Variants in DEPDC5 observed in about 807,000 individuals in gnomAD.
The protein encoded by DEPDC5 is DEP domain containing 5, GATOR1 subcomplex subunit.
Under a neutral mutation model 217.3 loss-of-function variants are expected in DEPDC5, and 73 were observed. That is an observed-to-expected ratio of 0.34 (90% CI 0.28 to 0.41). DEPDC5 has a LOEUF of 0.41. DEPDC5 is among the 10% of genes least tolerant of loss of function. DEPDC5 has a pLI of 1.00. For missense variants in DEPDC5, 1,675 were observed against 2,070.1 expected, an observed-to-expected ratio of 0.81 and a Z score of 3.70; for synonymous variants, 733 against 756.7, an observed-to-expected ratio of 0.97 and a Z score of 0.51.
chr22:31,788,552 A>G (rs1422359402), intron 10 of DEPDC5, among the ~76,000 whole-genome samples: 2 of 150,962 alleles, frequency 1.3e-5, no homozygotes, highest in Non-Finnish European at 3.0e-5. Context: ...TGCTGAGATT[A>G]CAGACGTGAG....
intron 27 of DEPDC5, among the ~76,000 whole-genome samples, chr22:31,839,149 C>T (rs927110699): frequency 2.0e-5 from 3 of 152,190 alleles, no homozygotes; most frequent in South Asian, 2.1e-4. Flanking sequence ...GAGCTGTCAA[C>T]GTTTCTAAAC....
intron 34 of DEPDC5, among the ~76,000 whole-genome samples, chr22:31,871,566 C>T (rs554956663): frequency 2.6e-5 from 4 of 152,326 alleles, no homozygotes; most frequent in South Asian, 2.1e-4. Context: ...TCCCTGCCTT[C>T]GCTCATGCCC....
Position 31,874,299 on chromosome 22 carries a change from A to G in DEPDC5, c.3590A>G (p.Gln1197Arg), listed in dbSNP as rs1377540601. 6.2e-7 allele frequency: 1 copy of G among 1,608,082 alleles called. No individual in the cohort carries two copies. Among genetic ancestry groups the G allele is most frequent in the Non-Finnish European group, 8.5e-7 (1 of 1,177,122 alleles). ...ACAGGAGTCCAGCTGCTCTCTGAAC[A>G]GAAGGGCCTCTCACCGTACTGCTTC... ...PSTGVQLLSE[Q>R]KGLSPYCFIS... Residue 1197 changes from glutamine to arginine, a missense_variant, in exon 36 of 43, where the codon CAG becomes CGG. By Grantham distance (43) the Gln-to-Arg change is conservative. Around this residue, in one of 11 missense-constraint regions of DEPDC5, gnomAD observed 194 missense variants for 199.3 expected, o/e 0.97. Coordinates refer to ENST00000651528, the MANE Select transcript of DEPDC5 (RefSeq NM_001242896.3).
At chr22:31,839,430 A>G (rs1406310528) in intron 27 of DEPDC5, among the ~76,000 whole-genome samples, 3 of 151,342 alleles carry the variant, frequency 2.0e-5, no homozygotes, top group African/African-American at 7.2e-5. Flanking sequence ...AATTAAGTGC[A>G]GGTGCCTGGA....
chr22:31,846,881 G>C lies in DEPDC5; in HGVS notation c.3069G>C (p.Thr1023=). The change falls in exon 31 of 43, where the codon ACG becomes ACC. Residue 1023 remains threonine, a synonymous_variant. Coordinates refer to ENST00000651528, the MANE Select transcript of DEPDC5 (RefSeq NM_001242896.3). ...KGLQMTGPIS[T]HSLESTAPPV... is the part of the protein sequence containing the mutation. Reference sequence around the variant, plus strand: ...TGCAGATGACTGGGCCCATTTCCACGCATTCTCTGGAGTCAACTGCACCCC... The same window carrying C: ...TGCAGATGACTGGGCCCATTTCCACCCATTCTCTGGAGTCAACTGCACCCC... 1.2e-6 allele frequency: 2 copies of C among 1,614,202 alleles called. No homozygotes were observed. Among genetic ancestry groups the C allele is most frequent in the East Asian group, 2.2e-5 (1 of 44,872 alleles).
chr22:31,811,975 T>G (rs1002553391), intron 20 of DEPDC5, among the ~76,000 whole-genome samples: 10 of 152,162 alleles, frequency 6.6e-5, no homozygotes, highest in Non-Finnish European at 1.3e-4. Flanking sequence ...TACTTTATAG[T>G]CTTGGCGGAA....
intron 38 of DEPDC5, among the ~76,000 whole-genome samples, chr22:31,883,470 T>G (rs1297201648): frequency 6.6e-6 from 1 of 152,162 alleles, no homozygotes; most frequent in Admixed American, 6.6e-5. Flanking sequence ...GTGCCAGTGG[T>G]GGTTGCTTCA....
chr22:31,892,355 C>T (rs1450410624), intron 38 of DEPDC5, among the ~76,000 whole-genome samples: 1 of 152,148 alleles, frequency 6.6e-6, no homozygotes, highest in Non-Finnish European at 1.5e-5. Context: ...TCTTTTAGAG[C>T]AGTTTTCGGT....
chr22:31,887,972 C>T (rs1425854285), intron 38 of DEPDC5, among the ~76,000 whole-genome samples: 1 of 152,052 alleles, frequency 6.6e-6, no homozygotes, highest in Non-Finnish European at 1.5e-5. Flanking sequence ...TGACTTGTCC[C>T]TTTTTTTGTT....
In DEPDC5 at chr22:31,861,370, C is replaced by T. The variant is rs374223318; in HGVS notation, c.3267C>T (p.Asp1089=). 5.8e-6 allele frequency: 9 copies of T among 1,551,414 alleles called. No homozygotes were observed. The African/African-American group carries it at 8.2e-5, about 14-fold the overall frequency. Residue 1089 remains aspartate, a splice_region_variant and synonymous_variant, in exon 33 of 43, where the codon GAC becomes GAT. Coordinates refer to ENST00000651528, the MANE Select transcript of DEPDC5 (RefSeq NM_001242896.3). ...TPTYMDSPRK[D]GAFFMEFVRS... ...GCTTCCTCCTCCTGTGACTTCAGGA[C>T]GGGGCCTTCTTTATGGAGTTTGTCC... is the stretch of plus-strand genomic sequence containing the variant.
chr22:31,896,853 A>T lies in DEPDC5; in HGVS notation c.4204-629A>T, dbSNP rs551197800. The stretch of plus-strand genomic sequence containing the variant: ...TGGTAAAGTACAAAATTAGGCTGGG[A>T]TCATGCCTATAATCCTAGCATTTGG... On this transcript the variant is annotated intron_variant, in intron 39 of 42. Transcript: ENST00000651528. Among the ~76,000 whole-genome samples the T allele has an allele frequency of 3.9e-5, 6 of 152,288 alleles. No homozygotes were observed. The South Asian group carries it at 1.2e-3, about 32-fold the overall frequency.
rs983991636 is a variant in DEPDC5, at chr22:31,807,804, G to C, written c.1287+1613G>C. On this transcript the variant is annotated intron_variant, in intron 18 of 42. Transcript: ENST00000651528. Reference sequence around the variant, plus strand: ...TGTTATGTTTGCAGGCCCCACACCCGAGTGCTCTCACCCCTCTGCCCTTTC... The same window carrying C: ...TGTTATGTTTGCAGGCCCCACACCCCAGTGCTCTCACCCCTCTGCCCTTTC... Among the ~76,000 whole-genome samples, 6 of 152,142 alleles carry C rather than the reference G, an allele frequency of 3.9e-5. No individual in the cohort carries two copies. The East Asian group carries it at 1.2e-3, about 29-fold the overall frequency.
chr22:31,885,790 C>CT (rs2093295163), intron 38 of DEPDC5, among the ~76,000 whole-genome samples: 1 of 150,320 alleles, frequency 6.7e-6, no homozygotes, highest in African/African-American at 2.5e-5. Context: ...AATCCCAACA[C>CT]TTTGGGAGGC....
At chr22:31,772,205 G>A (rs1416259433) in intron 7 of DEPDC5, among the ~76,000 whole-genome samples, 2 of 152,112 alleles carry the variant, frequency 1.3e-5, no homozygotes, top group Non-Finnish European at 1.5e-5. Flanking sequence ...CTCCAGCCTG[G>A]GCAACAGAGT....
chr22:31,790,735 C>CT (rs1173389043), intron 10 of DEPDC5, among the ~76,000 whole-genome samples: 40 of 143,908 alleles, frequency 2.8e-4, no homozygotes, highest in East Asian at 6.1e-4. Flanking sequence ...CCCTATCTCT[C>CT]TTTTTTTTTT....
chr22:31,757,638 G>A (rs1191222899), intron 2 of DEPDC5: 1 of 152,136 alleles, frequency 6.6e-6, no homozygotes, highest in East Asian at 1.9e-4. Flanking sequence ...GTCTTTCCTT[G>A]CAAATTAAAA....
rs768337287 is a variant in DEPDC5 at position 31,870,650 on chromosome 22, G to A, written c.3391G>A (p.Gly1131Ser). ...LDGTSLGICT[G>S]QSMDRGNSQT... ...CGGCACCAGTTTGGGCATATGCACA[G>A]GCCAATCCATGGACAGAGGCAACAG... Residue 1131 changes from glycine to serine, a missense_variant, in exon 34 of 43, where the codon GGC becomes AGC. Transcript: ENST00000651528. 5.0e-6 allele frequency: 8 copies of A among 1,606,718 alleles called. No individual in the cohort carries two copies. Among genetic ancestry groups the A allele is most frequent in the Non-Finnish European group, 6.8e-6 (8 of 1,176,976 alleles).
At chr22:31,849,076 G>GA (rs2091892473) in intron 31 of DEPDC5, among the ~76,000 whole-genome samples, 1 of 152,124 alleles carries the variant, frequency 6.6e-6, no homozygotes, top group Non-Finnish European at 1.5e-5. Flanking sequence ...AAGTCTCTAG[G>GA]AAGTGCCAAA....
rs374944205 is a variant in DEPDC5, at chr22:31,843,715, G to A, written c.2704G>A (p.Val902Ile). ...LCPSHSDSEF[V>I]SCWVEFSHER... Reference sequence around the variant, plus strand: ...TCCTTCCCACTCAGACTCAGAGTTCGTCTCCTGCTGGGTGGAATTCTCCCA... The same window carrying A: ...TCCTTCCCACTCAGACTCAGAGTTCATCTCCTGCTGGGTGGAATTCTCCCA... The change falls in exon 29 of 43, where the codon GTC becomes ATC. Residue 902 changes from valine (V) to isoleucine (I), a missense_variant. Physicochemically the swap from Val to Ile is conservative, Grantham distance 29. Around this residue, in one of 11 missense-constraint regions of DEPDC5, gnomAD observed 293 missense variants for 386.1 expected, o/e 0.76. Transcript: ENST00000651528. 4.6e-5 allele frequency: 75 copies of A among 1,613,772 alleles called. No homozygotes were observed. The highest frequency in any genetic ancestry group is 5.8e-5 in the Non-Finnish European group (68 of 1,179,950).
Sources: gnomAD v4.1 joint callset for allele counts (sites outside exome capture counted in the v4.1 genomes callset) on GRCh38, gnomAD v4.1.1 for gene constraint, gnomAD v4.1.1 regional missense constraint, MANE v1.5 for transcripts, NCBI Gene and HGNC (gene_info 2026-07-23, HGNC 2026-07-21) for gene names.